INSL6: variants seen among roughly 807,000 people sequenced by gnomAD.
INSL6 encodes insulin-like peptide INSL6.
INSL6 carries 16 observed loss-of-function variants against 9.4 expected under a neutral mutation model. That is an observed-to-expected ratio of 1.70 (90% confidence interval 1.15 to 2.59). INSL6 has a LOEUF of 2.59. Among genes scored for constraint, INSL6 ranks in the 30% most tolerant of loss-of-function variants. The pLI is 0.00. For missense variants in INSL6, 391 were observed against 257.3 expected (o/e 1.52, Z -3.56); for synonymous variants, 154 against 96.9 (o/e 1.59, Z -3.46).
chr9:5,123,565 G>A (rs558108758), downstream of INSL6, among the ~76,000 whole-genome samples: 6 of 152,080 alleles, frequency 3.9e-5, no homozygotes, highest in South Asian at 4.1e-4. Context: ...TGGACACTTA[G>A]GTTGATTCCA....
chr9:5,107,239 G>T, the INSL6 span, among the ~76,000 whole-genome samples: 411 of 152,048 alleles, frequency 2.7e-3, 1 homozygote, highest in African/African-American at 9.4e-3. Flanking sequence ...CCTGACACTA[G>T]CCTTAGTAAC....
the INSL6 span, among the ~76,000 whole-genome samples, chr9:5,117,317 G>A: frequency 3.3e-5 from 5 of 152,212 alleles, no homozygotes; most frequent in Non-Finnish European, 7.3e-5. Context: ...TAGACAGTGC[G>A]TAAGGTGGGA....
At chr9:5,112,706 C>A in the INSL6 span, 1 of 856,416 alleles carries the variant, frequency 1.2e-6, no homozygotes. Flanking sequence ...GCAGCAAGTG[C>A]GAGAGCGGAA....
downstream of INSL6, among the ~76,000 whole-genome samples, chr9:5,162,426 T>A (rs1355860531): frequency 1.3e-5 from 2 of 152,152 alleles, no homozygotes; most frequent in African/African-American, 4.8e-5. Context: ...TTGGTTAATA[T>A]CATAATTTTC....
chr9:5,179,273 A>G (rs192376263), intron 1 of INSL6, among the ~76,000 whole-genome samples: 5 of 152,324 alleles, frequency 3.3e-5, no homozygotes, highest in Admixed American at 2.0e-4. Flanking sequence ...AACATCACTG[A>G]TCATTAGAGA....
the INSL6 span, chr9:5,089,617 A>G: frequency 4.3e-6 from 3 of 694,576 alleles, no homozygotes; most frequent in East Asian, 3.9e-5. Context: ...TATAAAATTT[A>G]TTTGTAATTT....
the INSL6 span, among the ~76,000 whole-genome samples, chr9:5,063,975 T>G: frequency 9.3e-5 from 14 of 150,976 alleles, no homozygotes; most frequent in East Asian, 8.0e-4. Flanking sequence ...GGCCAACATG[T>G]TGAAACTCTG....
intron 2 of INSL6, among the ~76,000 whole-genome samples, chr9:5,154,186 G>T (rs1824770867): frequency 6.6e-6 from 1 of 152,186 alleles, no homozygotes; most frequent in Admixed American, 6.5e-5. Flanking sequence ...ACAACCATCT[G>T]ATCTTTGACA....
the INSL6 span, among the ~76,000 whole-genome samples, chr9:4,996,800 A>C: frequency 3.9e-5 from 6 of 152,126 alleles, no homozygotes; most frequent in South Asian, 1.2e-3. Flanking sequence ...AGTAAAATGA[A>C]ATATACCTCC....
chr9:5,004,768 T>C, the INSL6 span, among the ~76,000 whole-genome samples: 36 of 152,282 alleles, frequency 2.4e-4, no homozygotes, highest in African/African-American at 8.4e-4. Context: ...AGTTTCTTTT[T>C]CTCCACACAC....
At chr9:5,105,936 G>A in the INSL6 span, among the ~76,000 whole-genome samples, 1 of 152,322 alleles carries the variant, frequency 6.6e-6, no homozygotes, top group African/African-American at 2.4e-5. Context: ...AGACTTAAAT[G>A]TTAGACTTAA....
the INSL6 span, among the ~76,000 whole-genome samples, chr9:5,068,174 C>CA: frequency 2.0e-3 from 278 of 136,234 alleles, no homozygotes; most frequent in South Asian, 6.4e-3. Flanking sequence ...AAAACAACAA[C>CA]AAAAAAAAAA....
At chr9:5,171,455 C>T (rs574375027) in intron 1 of INSL6, among the ~76,000 whole-genome samples, 1 of 152,250 alleles carries the variant, frequency 6.6e-6, no homozygotes, top group Admixed American at 6.5e-5. Flanking sequence ...CACTCCTATT[C>T]AACATAGTAT....
the INSL6 span, among the ~76,000 whole-genome samples, chr9:5,068,213 A>G: frequency 3.9e-5 from 6 of 151,994 alleles, no homozygotes; most frequent in Non-Finnish European, 7.4e-5. Context: ...TTGGCATAGG[A>G]AGAACCTGAT....
chr9:5,064,904 A>C, the INSL6 span: 1 of 1,589,214 alleles, frequency 6.3e-7, no homozygotes, highest in Non-Finnish European at 8.6e-7. Flanking sequence ...TAGCTCATTA[A>C]GGGAAGCTTT....
chr9:5,073,770 G>C, the INSL6 span: 1 of 1,606,494 alleles, frequency 6.2e-7, no homozygotes, highest in Non-Finnish European at 8.5e-7. Flanking sequence ...TGGAGTATGT[G>C]TCTGTGGAGA....
chr9:5,165,055 C>A (rs1334339492), intron 1 of INSL6, among the ~76,000 whole-genome samples: 3 of 152,032 alleles, frequency 2.0e-5, no homozygotes, highest in Non-Finnish European at 4.4e-5. Flanking sequence ...TAAAAACACA[C>A]AAAAAATTAG....
At position 5,164,228 on chromosome 9, in the gene INSL6, T is replaced by C. The variant is rs145178909; in HGVS notation, c.327A>G (p.Glu109=). The C allele has an allele frequency of 1.2e-6, 2 of 1,606,724 alleles. No homozygotes were observed. Among genetic ancestry groups the C allele is most frequent in the Non-Finnish European group, 1.7e-6 (2 of 1,177,428 alleles). ...TSWEEAVNSW[E]MQSLPEYKDK... ...CCTTATACTCAGGTAGTGACTGCAT[T>C]TCCCAACTGTTTACTGCTTCTTCCC... is the stretch of plus-strand genomic sequence containing the variant. Residue 109 remains glutamate (E), a synonymous_variant, in exon 2 of 2, where the codon GAA becomes GAG. Coordinates refer to ENST00000381641, the MANE Select transcript of INSL6 (RefSeq NM_007179.3).
the INSL6 span, chr9:5,041,802 C>T: frequency 1.2e-5 from 6 of 485,648 alleles, no homozygotes; most frequent in African/African-American, 9.8e-5. Flanking sequence ...CAAAGATCAG[C>T]CGCACAGCAA....
Sources: allele counts gnomAD v4.1 joint callset (sites outside exome capture counted in the v4.1 genomes callset), GRCh38; gene constraint gnomAD v4.1.1; transcripts MANE v1.5; gene names NCBI Gene and HGNC (gene_info 2026-07-23, HGNC 2026-07-21).